The following SAXO1 variants were observed in gnomAD, a reference collection of about 807,000 sequenced individuals.
The protein encoded by SAXO1 is 4930500O09Rik.
In SAXO1, 21 loss-of-function variants were observed where a neutral mutation model predicts 17.5. That is an observed-to-expected ratio of 1.20 (90% CI 0.85 to 1.72). SAXO1 has a LOEUF of 1.72. SAXO1 is among the 40% of genes most tolerant of loss of function. The probability of loss-of-function intolerance (pLI) is 0.00; values close to 1 mark genes in which losing one functional copy is unlikely to be tolerated. For missense variants in SAXO1, 843 were observed against 596.0 expected (o/e 1.41, Z -4.32); for synonymous variants, 274 against 216.5 (o/e 1.27, Z -2.33).
At chr9:18,991,378 A>G (rs897740237) in intron 1 of SAXO1, among the ~76,000 whole-genome samples, 3 of 152,238 alleles carry the variant, frequency 2.0e-5, no homozygotes, top group African/African-American at 4.8e-5. Flanking sequence ...ATGGAATACT[A>G]TGCAGCCATA....
At chr9:18,972,029 T>C (rs187526299) in intron 1 of SAXO1, among the ~76,000 whole-genome samples, 1 of 152,284 alleles carries the variant, frequency 6.6e-6, no homozygotes, top group East Asian at 1.9e-4. Context: ...AATTGTACTT[T>C]TGGTTTATAT....
At chr9:19,013,289 G>C (rs772803794) in intron 1 of SAXO1, among the ~76,000 whole-genome samples, 4 of 152,212 alleles carry the variant, frequency 2.6e-5, no homozygotes, top group Non-Finnish European at 1.5e-5. Flanking sequence ...CTTCACCACT[G>C]CGGGGGTAAC....
At chr9:19,044,890 C>A (rs1031993300) in intron 1 of SAXO1, among the ~76,000 whole-genome samples, 74 of 151,964 alleles carry the variant, frequency 4.9e-4, no homozygotes, top group Non-Finnish European at 9.7e-4. Context: ...GAATCCTTAG[C>A]CAGTAGTAGG....
At chr9:19,044,454 A>G (rs1487145004) in intron 1 of SAXO1, among the ~76,000 whole-genome samples, 1 of 152,232 alleles carries the variant, frequency 6.6e-6, no homozygotes, top group East Asian at 1.9e-4. Flanking sequence ...TCCCACAAAC[A>G]TGAGACAAAT....
intron 1 of SAXO1, among the ~76,000 whole-genome samples, chr9:19,002,978 A>G (rs969130395): frequency 1.3e-5 from 2 of 152,158 alleles, no homozygotes; most frequent in African/African-American, 2.4e-5. Flanking sequence ...TGACATGACT[A>G]TATATTTAGA....
chr9:19,031,151 T>C (rs1205417906), intron 1 of SAXO1, among the ~76,000 whole-genome samples: 3 of 152,246 alleles, frequency 2.0e-5, no homozygotes, highest in African/African-American at 7.2e-5. Context: ...CACCTCTTAA[T>C]GAGCATTCTG....
chr9:19,029,348 G>A (rs530944882), intron 1 of SAXO1, among the ~76,000 whole-genome samples: 51 of 152,228 alleles, frequency 3.4e-4, no homozygotes, highest in African/African-American at 1.2e-3. Flanking sequence ...AAAAATGGGG[G>A]AACTGAAGCC....
chr9:18,966,583 C>T (rs1268120100), intron 1 of SAXO1, among the ~76,000 whole-genome samples: 1 of 152,154 alleles, frequency 6.6e-6, no homozygotes, highest in East Asian at 1.9e-4. Context: ...GTGTTCTACA[C>T]CTCCATCAAG....
intron 1 of SAXO1, among the ~76,000 whole-genome samples, chr9:18,959,464 C>A (rs1047933527): frequency 2.0e-5 from 3 of 151,962 alleles, no homozygotes; most frequent in Non-Finnish European, 4.4e-5. Flanking sequence ...AGAGAGTGCA[C>A]GAGGCAGGAC....
rs561682592 is a variant in SAXO1 at position 19,003,769 on chromosome 9, A to T, written c.38+29102T>A. Among the ~76,000 whole-genome samples, 77 of 152,342 alleles carry T rather than the reference A, an allele frequency of 5.1e-4. 1 individual carries two copies. The South Asian group carries it at 6.4e-3, about 13-fold the overall frequency. ...CAAGATGGCCTAAAGACTTAAACGT[A>T]AGACCTAAAACCATAAAAACCCTAG... On this transcript the variant is annotated intron_variant, in intron 1 of 3. Transcript: ENST00000380534.
Position 19,033,067 on chromosome 9 carries a change from C to G in SAXO1, c.-159G>C, listed in dbSNP as rs1351166680. On this transcript the variant is annotated 5_prime_UTR_variant, in exon 1 of 4. Transcript: ENST00000380534. ...ATTTAAGTGGCCCTTTTGCAATGTCCTGTCGTCTGTTGCCCTCCTGGAGCT... is the reference window on the plus strand; with the variant it reads ...ATTTAAGTGGCCCTTTTGCAATGTCGTGTCGTCTGTTGCCCTCCTGGAGCT... 1.9e-5 allele frequency: 13 copies of G among 670,666 alleles called. No individual in the cohort carries two copies. Among genetic ancestry groups the G allele is most frequent in the Non-Finnish European group, 2.8e-5 (12 of 425,642 alleles). 41.5% of individuals were successfully genotyped at this position (670,666 alleles called of 1,614,324 possible).
intron 1 of SAXO1, among the ~76,000 whole-genome samples, chr9:19,003,319 C>A (rs1228259982): frequency 6.6e-6 from 1 of 152,140 alleles, no homozygotes; most frequent in Non-Finnish European, 1.5e-5. Context: ...CCATACTGCC[C>A]AAAGTAATTT....
chr9:18,965,187 AT>A (rs2131772908), intron 1 of SAXO1, among the ~76,000 whole-genome samples: 1 of 152,282 alleles, frequency 6.6e-6, no homozygotes, highest in East Asian at 1.9e-4. Flanking sequence ...TATGTGGTCA[AT>A]TTTAGAATAA....
At chr9:19,005,777 C>T (rs562224508) in intron 1 of SAXO1, among the ~76,000 whole-genome samples, 10 of 152,186 alleles carry the variant, frequency 6.6e-5, no homozygotes, top group Non-Finnish European at 1.0e-4. Flanking sequence ...AATTGGTCTT[C>T]ATCGAAATTA....
chr9:18,931,940 T>A lies in SAXO1; in HGVS notation c.422-2885A>T, dbSNP rs573144516. Among the ~76,000 whole-genome samples the A allele has an allele frequency of 5.9e-5, 9 of 152,330 alleles. No individual in the cohort carries two copies. In the East Asian group the frequency reaches 1.7e-3, roughly 29 times the overall value. ...CACCAGGTATGTGATTTACAAATTT[T>A]TTTCCAAGTCTATCACTTCTCTTTT... is the stretch of plus-strand genomic sequence containing the variant. On this transcript the variant is annotated intron_variant, in intron 3 of 3. Coordinates refer to ENST00000380534, the MANE Select transcript of SAXO1 (RefSeq NM_153707.4).
chr9:19,045,684 C>T (rs1836196878), intron 1 of SAXO1, among the ~76,000 whole-genome samples: 1 of 152,150 alleles, frequency 6.6e-6, no homozygotes. Context: ...AGGCAGGCGG[C>T]AAGACTTTCT....
At chr9:19,008,357 A>C (rs1020549434) in intron 1 of SAXO1, among the ~76,000 whole-genome samples, 8 of 152,162 alleles carry the variant, frequency 5.3e-5, no homozygotes, top group African/African-American at 1.9e-4. Context: ...GCAGTGTCAA[A>C]TTCCACTGAA....
At chr9:18,975,652 G>A (rs567200951) in intron 1 of SAXO1, among the ~76,000 whole-genome samples, 1 of 152,318 alleles carries the variant, frequency 6.6e-6, no homozygotes, top group Admixed American at 6.5e-5. Context: ...GCAGTCCTAT[G>A]CATTGTATAA....
In SAXO1 at chr9:18,955,022, T is replaced by C. The variant is rs372687270; in HGVS notation, c.39-4085A>G. On this transcript the variant is annotated intron_variant, in intron 1 of 3. Coordinates refer to ENST00000380534, the MANE Select transcript of SAXO1 (RefSeq NM_153707.4). ...ACACGTCATTTTTAATTTTCTATTA[T>C]AGTAGCCACATTAGAAGGGTAAAAA... is the stretch of plus-strand genomic sequence containing the variant. Among the ~76,000 whole-genome samples, 8 of 152,158 alleles carry C rather than the reference T, an allele frequency of 5.3e-5. No homozygotes were observed. The East Asian group carries it at 1.5e-3, about 29-fold the overall frequency.
Sources: allele counts gnomAD v4.1 joint callset (sites outside exome capture counted in the v4.1 genomes callset), GRCh38; gene constraint gnomAD v4.1.1; transcripts MANE v1.5; gene names NCBI Gene and HGNC (gene_info 2026-07-23, HGNC 2026-07-21).